The following EPHA6 variants were observed in gnomAD, a reference collection of about 807,000 sequenced individuals.
EPHA6 encodes EPH receptor A6, also known as ephrin type-A receptor 6.
Under a neutral mutation model 112.0 loss-of-function variants are expected in EPHA6, and 50 were observed. The observed-to-expected ratio is 0.45, with a 90% confidence interval of 0.36 to 0.56. EPHA6 has a LOEUF of 0.56. Ranked by LOEUF, EPHA6 falls within the 20% of genes least tolerant of loss-of-function variation. The pLI, the probability that EPHA6 is intolerant of heterozygous loss-of-function variation, is 0.00. For missense variants in EPHA6, 1,280 were observed against 1,417.4 expected, an observed-to-expected ratio of 0.90 and a Z score of 1.56; for synonymous variants, 529 against 490.7, an observed-to-expected ratio of 1.08 and a Z score of -1.03.
chr3:97,639,222 C>T (rs1183199295), intron 14 of EPHA6, among the ~76,000 whole-genome samples: 1 of 151,754 alleles, frequency 6.6e-6, no homozygotes, highest in Admixed American at 6.6e-5. Context: ...TTTAATTTAA[C>T]CAAAAAGCTT....
At chr3:97,143,535 T>C (rs996419000) in intron 3 of EPHA6, among the ~76,000 whole-genome samples, 4 of 151,770 alleles carry the variant, frequency 2.6e-5, no homozygotes, top group Non-Finnish European at 4.4e-5. Context: ...TTTCCAAATG[T>C]TGGTCAGAAT....
At chr3:97,240,604 A>G (rs2078817437) in intron 4 of EPHA6, among the ~76,000 whole-genome samples, 1 of 151,844 alleles carries the variant, frequency 6.6e-6, no homozygotes, top group Non-Finnish European at 1.5e-5. Context: ...TGGGTTTAAC[A>G]TATTTTTATG....
chr3:97,148,009 T>C (rs2108368038), intron 3 of EPHA6, among the ~76,000 whole-genome samples: 1 of 152,264 alleles, frequency 6.6e-6, no homozygotes, highest in East Asian at 1.9e-4. Flanking sequence ...AACTCTAATC[T>C]TTGCATATTT....
At chr3:96,934,818 A>G (rs553707497) in intron 2 of EPHA6, among the ~76,000 whole-genome samples, 5 of 150,652 alleles carry the variant, frequency 3.3e-5, no homozygotes, top group East Asian at 3.9e-4. Flanking sequence ...CTGAAGGACA[A>G]TCAATCCTAA....
intron 5 of EPHA6, among the ~76,000 whole-genome samples, chr3:97,271,136 G>A (rs1045429624): frequency 6.6e-6 from 1 of 152,152 alleles, no homozygotes; most frequent in African/African-American, 2.4e-5. Context: ...GAAATAAAAG[G>A]GGATGCTGTA....
intron 5 of EPHA6, among the ~76,000 whole-genome samples, chr3:97,344,080 A>G (rs533811728): frequency 1.4e-4 from 22 of 152,252 alleles, no homozygotes; most frequent in African/African-American, 5.1e-4. Context: ...TTTGTTTCAC[A>G]GGTTCACAGG....
At chr3:97,571,912 A>G (rs900464157) in intron 11 of EPHA6, among the ~76,000 whole-genome samples, 3 of 152,214 alleles carry the variant, frequency 2.0e-5, no homozygotes, top group Admixed American at 6.5e-5. Context: ...CCATCATTGC[A>G]ATGTATAGCA....
chr3:97,663,705 G>A (rs1346705998), intron 14 of EPHA6, among the ~76,000 whole-genome samples: 1 of 152,028 alleles, frequency 6.6e-6, no homozygotes, highest in Non-Finnish European at 1.5e-5. Context: ...TGGTGTATAT[G>A]TGCCACATTT....
intron 14 of EPHA6, among the ~76,000 whole-genome samples, chr3:97,664,325 A>G (rs1431187481): frequency 1.3e-5 from 2 of 152,122 alleles, no homozygotes; most frequent in Non-Finnish European, 2.9e-5. Context: ...GCTGTGCAGA[A>G]GCTCTTTAGT....
intron 3 of EPHA6, among the ~76,000 whole-genome samples, chr3:97,127,714 CAAA>C (rs1343245083): frequency 1.9e-4 from 18 of 93,800 alleles, no homozygotes; most frequent in Admixed American, 3.6e-4. Context: ...GACCCTGTCT[CAAA>C]AAAAAAAAAA....
chr3:97,760,919 G>A lies in EPHA6; in HGVS notation c.*12218G>A. The A allele has an allele frequency of 5.1e-6, 1 of 195,240 alleles. No homozygotes were observed. Among genetic ancestry groups the A allele is most frequent in the Non-Finnish European group, 1.1e-5 (1 of 93,738 alleles). The allele number at this position is 195,240 out of a possible 1,614,324, so 12.1% of individuals were successfully genotyped here. The stretch of plus-strand genomic sequence containing the variant: ...TCTGTACCCATCTGCTCTTACAAAA[G>A]GGGAAAAAGATTTATCTATGAGAAT... On this transcript the variant is annotated 3_prime_UTR_variant, in exon 18 of 18. Coordinates refer to ENST00000389672, the MANE Select transcript of EPHA6 (RefSeq NM_001080448.3).
chr3:97,308,340 T>C (rs1444405129), intron 5 of EPHA6, among the ~76,000 whole-genome samples: 2 of 151,676 alleles, frequency 1.3e-5, no homozygotes, highest in Non-Finnish European at 3.0e-5. Context: ...CCACCACCTA[T>C]AAAAGAAAGA....
chr3:97,431,588 G>A (rs1476559763), intron 6 of EPHA6, among the ~76,000 whole-genome samples: 1 of 152,002 alleles, frequency 6.6e-6, no homozygotes, highest in Non-Finnish European at 1.5e-5. Flanking sequence ...ACAGCAGGTG[G>A]ATGAAATCTT....
Position 97,314,381 on chromosome 3 carries a change from A to G in EPHA6, c.1606+70094A>G, listed in dbSNP as rs574661097. ...GGATCCATATGAGTTTTAAGATGCTACTTTTGTCTAACTAGGAGTATTGTA... is the reference window on the plus strand; with the variant it reads ...GGATCCATATGAGTTTTAAGATGCTGCTTTTGTCTAACTAGGAGTATTGTA... On this transcript the variant is annotated intron_variant, in intron 5 of 17. Transcript: ENST00000389672. 2.0e-5 allele frequency among the ~76,000 whole-genome samples: 3 copies of G among 151,588 alleles called. No individual in the cohort carries two copies. In the South Asian group the frequency reaches 6.2e-4, roughly 31 times the overall value.
At chr3:97,002,408 G>GTT (rs5851051) in intron 3 of EPHA6, among the ~76,000 whole-genome samples, 3 of 143,074 alleles carry the variant, frequency 2.1e-5, no homozygotes, top group Non-Finnish European at 3.0e-5. Context: ...CATGAGGGTT[G>GTT]TTTTTTTTTT....
intron 14 of EPHA6, among the ~76,000 whole-genome samples, chr3:97,690,009 A>G (rs1229485855): frequency 6.6e-6 from 1 of 152,200 alleles, no homozygotes; most frequent in African/African-American, 2.4e-5. Flanking sequence ...TGAATATACC[A>G]CATTTTGTTT....
chr3:96,817,692 T>A (rs1334977377), intron 1 of EPHA6, among the ~76,000 whole-genome samples: 1 of 151,878 alleles, frequency 6.6e-6, no homozygotes, highest in Non-Finnish European at 1.5e-5. Flanking sequence ...ATGTTATATA[T>A]CTGTTTTACC....
intron 5 of EPHA6, among the ~76,000 whole-genome samples, chr3:97,343,797 C>T (rs1188361981): frequency 6.6e-6 from 1 of 152,068 alleles, no homozygotes; most frequent in African/African-American, 2.4e-5. Context: ...GTCAAGAGGG[C>T]AGGGTTGGGA....
At chr3:97,398,156 A>G (rs778723393) in intron 5 of EPHA6, among the ~76,000 whole-genome samples, 6 of 151,500 alleles carry the variant, frequency 4.0e-5, no homozygotes, top group Admixed American at 3.3e-4. Flanking sequence ...AAGTTTTGCA[A>G]GGATTATAAT....
Sources: allele counts gnomAD v4.1 joint callset (sites outside exome capture counted in the v4.1 genomes callset), GRCh38; gene constraint gnomAD v4.1.1; transcripts MANE v1.5; gene names NCBI Gene and HGNC (gene_info 2026-07-23, HGNC 2026-07-21).